The following UBN2 variants were observed in gnomAD, a reference collection of about 807,000 sequenced individuals.
The protein encoded by UBN2 is ubinuclein-2.
Under a neutral mutation model 120.2 loss-of-function variants are expected in UBN2, and 35 were observed. That is an observed-to-expected ratio of 0.29 (90% CI 0.22 to 0.39). The LOEUF is 0.39. Among genes scored for constraint, UBN2 ranks in the 10% least tolerant of loss-of-function variants. The pLI, the probability that UBN2 is intolerant of heterozygous loss-of-function variation, is 1.00. For synonymous variants in UBN2, 661 were observed against 648.7 expected (o/e 1.02, Z -0.29); for missense variants, 1,693 against 1,663.2 (o/e 1.02, Z -0.31).
At chr7:139,245,467 C>G (rs1221764501) in intron 2 of UBN2, among the ~76,000 whole-genome samples, 1 of 152,164 alleles carries the variant, frequency 6.6e-6, no homozygotes, top group Admixed American at 6.5e-5. Context: ...AATCATTTTA[C>G]TACTTAGATT....
intron 11 of UBN2, among the ~76,000 whole-genome samples, chr7:139,275,178 T>A (rs1797404710): frequency 6.8e-6 from 1 of 146,232 alleles, no homozygotes; most frequent in South Asian, 2.1e-4. Flanking sequence ...CCCAGGAGGC[T>A]GAGGCAGGAA....
At chr7:139,266,873 G>T in intron 7 of UBN2, among the ~76,000 whole-genome samples, 1 of 152,184 alleles carries the variant, frequency 6.6e-6, no homozygotes, top group Non-Finnish European at 1.5e-5. Flanking sequence ...AGAAATTGTG[G>T]TTGTGAGGTA....
chr7:139,320,488 C>T, the UBN2 span, among the ~76,000 whole-genome samples: 858 of 151,950 alleles, frequency 5.6e-3, 10 homozygotes, highest in African/African-American at 0.019. Flanking sequence ...TCACCCAACA[C>T]TTTAAGGTAG....
At chr7:139,258,297 A>C (rs528344643) in intron 3 of UBN2, among the ~76,000 whole-genome samples, 191 bp from the exon 4 acceptor site, 1 of 152,060 alleles carries the variant, frequency 6.6e-6, no homozygotes, top group Non-Finnish European at 1.5e-5. Flanking sequence ...TTTTTCTTAC[A>C]CCAAATTATC....
At chr7:139,296,267 T>C (rs1443498311) in intron 17 of UBN2, among the ~76,000 whole-genome samples, 1 of 152,226 alleles carries the variant, frequency 6.6e-6, no homozygotes, top group Non-Finnish European at 1.5e-5. Context: ...GCAGGTCATA[T>C]GGTCTCTGTC....
At chr7:139,253,112 A>C (rs1041485715) in intron 3 of UBN2, among the ~76,000 whole-genome samples, 1 of 152,196 alleles carries the variant, frequency 6.6e-6, no homozygotes, top group Non-Finnish European at 1.5e-5. Context: ...TAGTACATGG[A>C]TATAATCCTT....
the UBN2 span, chr7:139,315,471 A>G: frequency 6.6e-6 from 1 of 152,164 alleles, no homozygotes; most frequent in Non-Finnish European, 1.5e-5. Context: ...ATTAAATTTA[A>G]TATCCAGATA....
Position 139,261,722 on chromosome 7 carries a change from G to A in UBN2, c.1376G>A (p.Arg459His), listed in dbSNP as rs776035310. The A allele has an allele frequency of 1.9e-6, 3 of 1,611,814 alleles. No homozygotes were observed. The highest frequency in any genetic ancestry group is 1.7e-6 in the Non-Finnish European group (2 of 1,178,114). ...GGTCTACCTGTACTTCTTGAAAAAC[G>A]TATCGAAGACCTTCGTGTAGTAAGT... ...PEGLPVLLEK[R>H]IEDLRVAAKL... Residue 459 changes from arginine (R) to histidine (H), a missense_variant, in exon 6 of 18, where the codon CGT (arginine) becomes CAT (histidine). Around this residue, in one of 5 missense-constraint regions of UBN2, gnomAD observed 5 missense variants for 16.1 expected, o/e 0.31. Transcript: ENST00000473989.
intron 13 of UBN2, among the ~76,000 whole-genome samples, chr7:139,280,880 G>A (rs1797587967): frequency 6.6e-6 from 1 of 152,146 alleles, no homozygotes; most frequent in Non-Finnish European, 1.5e-5. Context: ...TCCTGACCTC[G>A]TGATCCACCC....
At chr7:139,323,483 C>G in the UBN2 span, among the ~76,000 whole-genome samples, 1 of 151,906 alleles carries the variant, frequency 6.6e-6, no homozygotes, top group South Asian at 2.1e-4. Flanking sequence ...GTATGCTGCT[C>G]TCCGTATTAC....
chr7:139,315,897 TG>T, the UBN2 span, among the ~76,000 whole-genome samples: 1 of 151,622 alleles, frequency 6.6e-6, no homozygotes, highest in Admixed American at 6.6e-5. Flanking sequence ...GCCAACATGG[TG>T]AAACCCCATC....
Position 139,259,387 on chromosome 7 carries a change from C to T in UBN2, c.905+17C>T, listed in dbSNP as rs370187887. The T allele has an allele frequency of 1.2e-6, 2 of 1,611,644 alleles. No homozygotes were observed. The highest frequency in any genetic ancestry group is 4.5e-5 in the East Asian group (2 of 44,842). On this transcript the variant is annotated intron_variant, in intron 5 of 17. Coordinates refer to ENST00000473989, the MANE Select transcript of UBN2 (RefSeq NM_173569.4). ...ACAACTGGGGTACGTTAAATTAAAC[C>T]TAAGAAGGGAACTGGCGTCACAGTC...
chr7:139,293,533 T>C, intron 16 of UBN2, 70 bp downstream of exon 16: 1 of 1,304,328 alleles, frequency 7.7e-7, no homozygotes, highest in East Asian at 2.3e-5. Context: ...AAATTTATTC[T>C]AATTAAGAGT....
chr7:139,233,947 A>G (rs1209801977), intron 1 of UBN2, among the ~76,000 whole-genome samples: 1 of 151,902 alleles, frequency 6.6e-6, no homozygotes, highest in African/African-American at 2.4e-5. Context: ...TCAACCTTCT[A>G]TTTTTTTCAT....
At chr7:139,269,267 G>T (rs1190064203) in intron 7 of UBN2, 127 bp from the exon 8 acceptor site, 1 of 878,944 alleles carries the variant, frequency 1.1e-6, no homozygotes, top group Non-Finnish European at 1.7e-6. Flanking sequence ...TTTTTTCCAT[G>T]AAGAATACTG....
chr7:139,283,185 T>A lies in UBN2; in HGVS notation c.2280T>A (p.Leu760=), dbSNP rs1243611146. ...ICLDDSLDED[L]SFHSPSLDLV... is the part of the protein sequence containing the mutation. Reference sequence around the variant, plus strand: ...TCGACGACTCACTAGATGAAGACCTTTCTTTCCATTCACCTTCACTGGATC... The same window carrying A: ...TCGACGACTCACTAGATGAAGACCTATCTTTCCATTCACCTTCACTGGATC... The change falls in exon 15 of 18, where the codon CTT becomes CTA. Residue 760 remains leucine, a synonymous_variant. Coordinates refer to ENST00000473989, the MANE Select transcript of UBN2 (RefSeq NM_173569.4). 1 of 1,612,482 alleles carries A rather than the reference T, an allele frequency of 6.2e-7. No homozygotes were observed. The highest frequency in any genetic ancestry group is 2.2e-5 in the East Asian group (1 of 44,856).
chr7:139,232,967 C>G (rs567687012), intron 1 of UBN2, among the ~76,000 whole-genome samples: 11 of 152,140 alleles, frequency 7.2e-5, no homozygotes, highest in Non-Finnish European at 1.5e-4. Context: ...ACAGTTTTCT[C>G]TGTTGCTTAG....
Position 139,271,367 on chromosome 7 carries a change from A to G in UBN2, c.1597-955A>G, listed in dbSNP as rs573784817. Among the ~76,000 whole-genome samples the G allele has an allele frequency of 4.6e-4, 70 of 152,236 alleles. 2 individuals carry two copies. The highest frequency in any genetic ancestry group is 1.5e-3 in the African/African-American group (61 of 41,564). Reference sequence around the variant, plus strand: ...TTTGGGAGGCCGAGGCAGGCAGATCACTTGAGGCCAGGAGTTCGAGACCAG... The same window carrying G: ...TTTGGGAGGCCGAGGCAGGCAGATCGCTTGAGGCCAGGAGTTCGAGACCAG... On this transcript the variant is annotated intron_variant, in intron 8 of 17. Transcript: ENST00000473989.
At chr7:139,266,832 T>C (rs1019198716) in intron 7 of UBN2, among the ~76,000 whole-genome samples, 11 of 152,194 alleles carry the variant, frequency 7.2e-5, no homozygotes, top group Admixed American at 1.3e-4. Context: ...GTACAAACTT[T>C]TATAGTCAAA....
Sources: allele counts gnomAD v4.1 joint callset (sites outside exome capture counted in the v4.1 genomes callset), GRCh38; gene constraint gnomAD v4.1.1; regional missense constraint gnomAD v4.1.1; transcripts MANE v1.5; gene names NCBI Gene and HGNC (gene_info 2026-07-23, HGNC 2026-07-21).